FGGY: variants seen among roughly 807,000 people sequenced by gnomAD.
The protein encoded by FGGY is FGGY carbohydrate kinase domain-containing protein.
A neutral mutation model predicts 71.3 loss-of-function variants in FGGY; 72 were observed. The ratio of observed to expected loss-of-function variants is 1.01; its 90% CI spans 0.84 to 1.23. The LOEUF (loss-of-function observed/expected upper bound fraction) is 1.23. Ranked by LOEUF, FGGY falls within the 50% of genes most tolerant of loss-of-function variation. The pLI is 0.00. For missense variants in FGGY, 668 were observed against 682.3 expected (o/e 0.98, Z 0.23); for synonymous variants, 251 against 250.3 (o/e 1.00, Z -0.02).
chr1:59,368,831 C>A (rs1025576714), intron 4 of FGGY, among the ~76,000 whole-genome samples: 1 of 152,026 alleles, frequency 6.6e-6, no homozygotes, highest in Admixed American at 6.6e-5. Flanking sequence ...GTGGCTCACG[C>A]CTGTAATACC....
chr1:59,684,423 C>A (rs1390425703), intron 14 of FGGY, among the ~76,000 whole-genome samples: 1 of 152,116 alleles, frequency 6.6e-6, no homozygotes, highest in East Asian at 1.9e-4. Context: ...GAAGAGGCAA[C>A]CTTTGGCTGG....
chr1:59,718,006 T>C lies in FGGY; in HGVS notation c.1513-39925T>C, dbSNP rs1336597648. ...CACCTATGGTCACACAGCTGGTATG[T>C]AGAGAAACTACACTTTGAACCCATG... is the stretch of plus-strand genomic sequence containing the variant. On this transcript the variant is annotated intron_variant, in intron 14 of 15. Transcript: ENST00000303721. 2.0e-5 allele frequency among the ~76,000 whole-genome samples: 3 copies of C among 152,160 alleles called. No homozygotes were observed. The East Asian group carries it at 5.8e-4, about 29-fold the overall frequency.
At chr1:59,384,799 G>C (rs951443517) in intron 5 of FGGY, among the ~76,000 whole-genome samples, 4 of 151,694 alleles carry the variant, frequency 2.6e-5, no homozygotes, top group Non-Finnish European at 5.9e-5. Flanking sequence ...ACACAATAAA[G>C]GGTTCTTTTA....
chr1:59,531,138 A>G (rs1399848361), intron 7 of FGGY, among the ~76,000 whole-genome samples: 1 of 152,226 alleles, frequency 6.6e-6, no homozygotes, highest in Non-Finnish European at 1.5e-5. Flanking sequence ...AGAAGTAAGC[A>G]GAGTCTATGT....
Position 59,603,040 on chromosome 1 carries a change from A to G in FGGY, c.904-4763A>G, listed in dbSNP as rs1403928967. 3.9e-5 allele frequency among the ~76,000 whole-genome samples: 6 copies of G among 152,312 alleles called. No homozygotes were observed. In the East Asian group the frequency reaches 9.6e-4, roughly 24 times the overall value. On this transcript the variant is annotated intron_variant, in intron 8 of 15. Transcript: ENST00000303721. ...TACTGTTTTTGAAGTTTTTATAATG[A>G]TATTTATATCAGACACAAAGAGTAC...
intron 14 of FGGY, among the ~76,000 whole-genome samples, chr1:59,707,990 A>G (rs369785693): frequency 1.3e-5 from 2 of 152,208 alleles, no homozygotes; most frequent in Admixed American, 6.5e-5. Flanking sequence ...ATCTAGTCCA[A>G]TGCATTTAAA....
At chr1:59,579,634 C>G (rs2096150952) in intron 8 of FGGY, among the ~76,000 whole-genome samples, 1 of 152,124 alleles carries the variant, frequency 6.6e-6, no homozygotes, top group African/African-American at 2.4e-5. Flanking sequence ...GCTGTCAGTT[C>G]TACTGATGGA....
intron 4 of FGGY, among the ~76,000 whole-genome samples, chr1:59,359,587 TG>T (rs34850001): frequency 6.6e-6 from 1 of 152,184 alleles, no homozygotes; most frequent in African/African-American, 2.4e-5. Context: ...CCAGGGGTCT[TG>T]GAAGTGCTGA....
At chr1:59,557,761 A>G (rs1345989085) in intron 8 of FGGY, among the ~76,000 whole-genome samples, 1 of 152,102 alleles carries the variant, frequency 6.6e-6, no homozygotes, top group African/African-American at 2.4e-5. Context: ...GATCCTTGCC[A>G]TTGTACTGAC....
chr1:59,328,274 T>C (rs2153160179), intron 2 of FGGY, among the ~76,000 whole-genome samples: 1 of 152,374 alleles, frequency 6.6e-6, no homozygotes, highest in South Asian at 2.1e-4. Context: ...ATCATCTGTA[T>C]AACTTGCTGG....
At chr1:59,322,308 G>A (rs986775103) in intron 2 of FGGY, among the ~76,000 whole-genome samples, 87 of 141,472 alleles carry the variant, frequency 6.1e-4, no homozygotes, top group African/African-American at 2.3e-3. Context: ...ATTAAAAAAA[G>A]TTCAATGGGT....
At chr1:59,622,764 T>C (rs1378311199) in intron 9 of FGGY, among the ~76,000 whole-genome samples, 1 of 152,158 alleles carries the variant, frequency 6.6e-6, no homozygotes, top group Non-Finnish European at 1.5e-5. Context: ...TGAGTATTAG[T>C]TATCTTGCAT....
At chr1:59,691,641 CTTTTTTT>C (rs774899362) in intron 14 of FGGY, among the ~76,000 whole-genome samples, 1 of 131,964 alleles carries the variant, frequency 7.6e-6, no homozygotes, top group Non-Finnish European at 1.6e-5. Flanking sequence ...TTTTTCTTTT[CTTTTTTT>C]TTTTTTTTTA....
chr1:59,352,859 T>C (rs1402099559), intron 4 of FGGY, among the ~76,000 whole-genome samples: 1 of 152,196 alleles, frequency 6.6e-6, no homozygotes, highest in Non-Finnish European at 1.5e-5. Flanking sequence ...TAGTCTAATC[T>C]TGAAACTTCA....
intron 7 of FGGY, among the ~76,000 whole-genome samples, chr1:59,516,921 T>C (rs1481406912): frequency 6.6e-6 from 1 of 152,080 alleles, no homozygotes; most frequent in Non-Finnish European, 1.5e-5. Flanking sequence ...AGGATAAAGA[T>C]CAAAGAAGCA....
In FGGY at chr1:59,377,545, A is replaced by G. The variant is rs531699873; in HGVS notation, c.466-1204A>G. Among the ~76,000 whole-genome samples the G allele has an allele frequency of 1.6e-4, 24 of 152,326 alleles. No individual in the cohort carries two copies. The East Asian group carries it at 1.7e-3, about 11-fold the overall frequency. On this transcript the variant is annotated intron_variant, in intron 4 of 15. Transcript: ENST00000303721. ...AATTACCTCCTACAGGGTACCTCCT[A>G]TGACACTTGGGGATTATGGGAACTA... is the stretch of plus-strand genomic sequence containing the variant.
intron 14 of FGGY, among the ~76,000 whole-genome samples, chr1:59,742,018 C>T (rs1005814754): frequency 2.0e-5 from 3 of 151,438 alleles, no homozygotes; most frequent in Non-Finnish European, 4.4e-5. Context: ...GCCAGAGAAT[C>T]AGTTTAACCC....
At chr1:59,391,623 T>C (rs572674424) in intron 5 of FGGY, among the ~76,000 whole-genome samples, 3 of 152,334 alleles carry the variant, frequency 2.0e-5, no homozygotes, top group East Asian at 3.9e-4. Context: ...TCGACGATTA[T>C]GATGTGCACT....
chr1:59,302,874 A>C (rs1402738931), intron 1 of FGGY, among the ~76,000 whole-genome samples: 1 of 152,208 alleles, frequency 6.6e-6, no homozygotes, highest in African/African-American at 2.4e-5. Context: ...GTTTAGTAGG[A>C]TTCACTAGTG....
Sources: allele counts gnomAD v4.1 joint callset (sites outside exome capture counted in the v4.1 genomes callset), GRCh38; gene constraint gnomAD v4.1.1; transcripts MANE v1.5; gene names NCBI Gene and HGNC (gene_info 2026-07-23, HGNC 2026-07-21).